The following IMMP2L variants were observed in gnomAD, a reference collection of about 807,000 sequenced individuals.
IMMP2L encodes the protein mitochondrial inner membrane protease subunit 2.
A neutral mutation model predicts 19.3 loss-of-function variants in IMMP2L; 18 were observed. The observed-to-expected ratio is 0.93, with a 90% confidence interval of 0.64 to 1.38. The LOEUF (loss-of-function observed/expected upper bound fraction) is 1.38. IMMP2L is among the 40% of genes most tolerant of loss of function. The probability of loss-of-function intolerance (pLI) is 0.00; values close to 1 mark genes in which losing one functional copy is unlikely to be tolerated. For synonymous variants in IMMP2L, 76 were observed against 73.0 expected, an observed-to-expected ratio of 1.04 and a Z score of -0.21; for missense variants, 233 against 218.2, an observed-to-expected ratio of 1.07 and a Z score of -0.43.
chr7:111,503,963 C>T (rs987809107), intron 2 of IMMP2L, among the ~76,000 whole-genome samples: 1 of 152,004 alleles, frequency 6.6e-6, no homozygotes, highest in Non-Finnish European at 1.5e-5. Flanking sequence ...GTTGGAAATT[C>T]TGGCCAGTGC....
chr7:110,932,165 TACAGACTCAC>T (rs1174025924), intron 4 of IMMP2L, among the ~76,000 whole-genome samples: 3 of 152,144 alleles, frequency 2.0e-5, no homozygotes, highest in Non-Finnish European at 4.4e-5. Context: ...TACTGTTGCA[TACAGACTCAC>T]GAGAGTGGGG....
chr7:110,803,830 AC>A lies in IMMP2L; in HGVS notation c.408+82762del, dbSNP rs1435575588. Among the ~76,000 whole-genome samples, 15 of 152,046 alleles carry A rather than the reference AC, an allele frequency of 9.9e-5. No individual in the cohort carries two copies. Among genetic ancestry groups the A allele is most frequent in the Non-Finnish European group, 2.2e-4 (15 of 67,986 alleles). On this transcript the variant is annotated intron_variant, in intron 5 of 5. Coordinates refer to ENST00000405709, the MANE Select transcript of IMMP2L (RefSeq NM_032549.4). The surrounding 1 kb of genome is among the most constrained non-coding windows in gnomAD (Gnocchi z 4.2). The stretch of plus-strand genomic sequence containing the variant: ...TGGTCCTGGAACCATCAGTATCTCA[AC>A]ACTTGGGGACTTGTTAGACATGCAA...
At chr7:110,706,386 G>A (rs1351910465) in intron 5 of IMMP2L, among the ~76,000 whole-genome samples, 1 of 152,208 alleles carries the variant, frequency 6.6e-6, no homozygotes, top group African/African-American at 2.4e-5. Flanking sequence ...TTACAGGCAT[G>A]AGCCACTATG....
At chr7:110,698,305 C>T (rs181997793) in intron 5 of IMMP2L, among the ~76,000 whole-genome samples, 38 of 152,296 alleles carry the variant, frequency 2.5e-4, no homozygotes, top group African/African-American at 9.1e-4. Flanking sequence ...ATAACTGTTA[C>T]CTACTGGAAT....
At chr7:111,119,085 GT>G (rs1489117135) in intron 3 of IMMP2L, among the ~76,000 whole-genome samples, 1 of 152,098 alleles carries the variant, frequency 6.6e-6, no homozygotes, top group Non-Finnish European at 1.5e-5. Context: ...CAAACCTCTA[GT>G]TAACTTAAAG....
At chr7:110,986,317 C>T (rs1585599952) in intron 3 of IMMP2L, among the ~76,000 whole-genome samples, 1 of 152,154 alleles carries the variant, frequency 6.6e-6, no homozygotes, top group Admixed American at 6.5e-5. Context: ...GCCCCCTCCT[C>T]ACCTAGGGTG....
In IMMP2L at chr7:110,902,655, T is replaced by C. The variant is rs1812016578; in HGVS notation, c.306-15960A>G. ...AGAGTACAGACTCGGCCGGGCGCGG[T>C]GGCTCACGCCTGTAATCCCAGCACT... On this transcript the variant is annotated intron_variant, in intron 4 of 5. Coordinates refer to ENST00000405709, the MANE Select transcript of IMMP2L (RefSeq NM_032549.4). Among the ~76,000 whole-genome samples, 2 of 38,136 alleles carry C rather than the reference T, an allele frequency of 5.2e-5. 1 individual carries two copies. Among genetic ancestry groups the C allele is most frequent in the South Asian group, 4.9e-3 (2 of 412 alleles). 25.0% of individuals were successfully genotyped at this position (38,136 alleles called of 152,430 possible).
At chr7:110,736,756 A>C (rs1192670073) in intron 5 of IMMP2L, among the ~76,000 whole-genome samples, 4 of 152,286 alleles carry the variant, frequency 2.6e-5, no homozygotes, top group African/African-American at 9.6e-5. Flanking sequence ...GCATTTTGGA[A>C]GCAAAAACTT....
At chr7:111,410,780 T>C (rs1834338504) in intron 3 of IMMP2L, among the ~76,000 whole-genome samples, 1 of 151,762 alleles carries the variant, frequency 6.6e-6, no homozygotes, top group Non-Finnish European at 1.5e-5. Context: ...TACGAAAATG[T>C]TGCAGATAAG....
chr7:111,070,133 G>GA (rs564038747), intron 3 of IMMP2L, among the ~76,000 whole-genome samples: 29 of 150,450 alleles, frequency 1.9e-4, no homozygotes, highest in South Asian at 1.3e-3. Context: ...AATTGATAGT[G>GA]AAAAAAAAAT....
In IMMP2L at chr7:110,727,851, A is replaced by G. The variant is rs1393040077; in HGVS notation, c.409-64130T>C. On this transcript the variant is annotated intron_variant, in intron 5 of 5. Transcript: ENST00000405709. This position sits in a 1 kb window ranked among gnomAD's most constrained non-coding sequence, Gnocchi z 4.3. ...TGCTTCACCGAGTGGATTTAAACAG[A>G]TATGAGGTAAATTTTTACAAATAAT... Among the ~76,000 whole-genome samples the G allele has an allele frequency of 6.6e-6, 1 of 152,224 alleles. No individual in the cohort carries two copies. Among genetic ancestry groups the G allele is most frequent in the African/African-American group, 2.4e-5 (1 of 41,456 alleles).
chr7:111,030,474 A>G lies in IMMP2L; in HGVS notation c.240-66909T>C, dbSNP rs1308730115. On this transcript the variant is annotated intron_variant, in intron 3 of 5. Transcript: ENST00000405709. ...TTTTTATTCCTTTCTCTTCCTTCAC[A>G]TGGGATCTGTACAGTTAAAATATCT... 5.9e-5 allele frequency among the ~76,000 whole-genome samples: 8 copies of G among 136,032 alleles called. No individual in the cohort carries two copies. In the South Asian group the frequency reaches 1.8e-3, roughly 30 times the overall value. The allele number at this position is 136,032 out of a possible 152,430, so 89.2% of individuals were successfully genotyped here.
At chr7:110,675,288 G>T (rs1335278591) in intron 5 of IMMP2L, among the ~76,000 whole-genome samples, 1 of 152,062 alleles carries the variant, frequency 6.6e-6, no homozygotes, top group Non-Finnish European at 1.5e-5. Flanking sequence ...GTTTAAAGGG[G>T]AAACCAATGG....
chr7:110,975,196 A>C (rs1049899604), intron 3 of IMMP2L, among the ~76,000 whole-genome samples: 10 of 152,150 alleles, frequency 6.6e-5, no homozygotes, highest in Non-Finnish European at 1.3e-4. Context: ...AAAGAAAGGA[A>C]AGTCAAAATT....
chr7:111,298,758 CA>C (rs36095137), intron 3 of IMMP2L, among the ~76,000 whole-genome samples: 128 of 115,980 alleles, frequency 1.1e-3, no homozygotes, highest in Admixed American at 1.1e-3. Flanking sequence ...GACTCTGCCT[CA>C]AAAAAAAAAA....
At chr7:110,912,581 T>C (rs1813170760) in intron 4 of IMMP2L, among the ~76,000 whole-genome samples, 1 of 151,726 alleles carries the variant, frequency 6.6e-6, no homozygotes, top group African/African-American at 2.4e-5. Context: ...AGGAGACACA[T>C]TTAAAGTTTT....
At chr7:111,028,203 C>T (rs1050380982) in intron 3 of IMMP2L, among the ~76,000 whole-genome samples, 2 of 152,046 alleles carry the variant, frequency 1.3e-5, no homozygotes, top group Non-Finnish European at 2.9e-5. Flanking sequence ...ATTTTTTCAA[C>T]GTTAGCCAAA....
chr7:111,191,504 T>A (rs1223258568), intron 3 of IMMP2L, among the ~76,000 whole-genome samples: 1 of 151,284 alleles, frequency 6.6e-6, no homozygotes, highest in East Asian at 1.9e-4. Context: ...TCTAAACAAA[T>A]TGCCTTGACT....
intron 5 of IMMP2L, among the ~76,000 whole-genome samples, chr7:110,689,898 G>A (rs187028535): frequency 6.7e-4 from 102 of 152,124 alleles, no homozygotes; most frequent in Admixed American, 9.8e-4. Flanking sequence ...CTAATTTCTC[G>A]GTTTAGAACT....
Sources: gnomAD v4.1 joint callset for allele counts (sites outside exome capture counted in the v4.1 genomes callset) on GRCh38, gnomAD v4.1.1 for gene constraint, Gnocchi (gnomAD v3.1) non-coding constraint, MANE v1.5 for transcripts, NCBI Gene and HGNC (gene_info 2026-07-23, HGNC 2026-07-21) for gene names.